TFR2: variants seen among roughly 807,000 people sequenced by gnomAD.
TFR2 encodes transferrin receptor protein 2.
In TFR2, 64 loss-of-function variants were observed where a neutral mutation model predicts 91.9. The observed-to-expected ratio is 0.70, with a 90% CI of 0.57 to 0.86. The LOEUF is 0.86. Among genes scored for constraint, TFR2 ranks in the 40% least tolerant of loss-of-function variants. The probability of loss-of-function intolerance (pLI) is 0.00; values close to 1 mark genes in which losing one functional copy is unlikely to be tolerated. For missense variants in TFR2, 950 were observed against 1,080.5 expected (o/e 0.88, Z 1.69); for synonymous variants, 454 against 459.6 (o/e 0.99, Z 0.15).
At chr7:100,621,219 T>G (rs1361933122) in intron 17 of TFR2, 93 bp from the exon 18 acceptor site, 1 of 1,375,742 alleles carries the variant, frequency 7.3e-7, no homozygotes, top group Non-Finnish European at 9.6e-7. Flanking sequence ...CTTTTTGTTT[T>G]TTTGTTTGTT....
intron 8 of TFR2, 158 bp downstream of exon 8, chr7:100,631,648 C>A: frequency 1.0e-6 from 1 of 969,804 alleles, no homozygotes; most frequent in Non-Finnish European, 1.5e-6. Context: ...GTCAGGGTCT[C>A]TCTGTCTCCC....
chr7:100,630,979 C>T lies in TFR2; in HGVS notation c.1180G>A (p.Gly394Arg), dbSNP rs557506122. 51 of 1,611,404 alleles carry T rather than the reference C, an allele frequency of 3.2e-5. No individual in the cohort carries two copies. The East Asian group carries it at 5.8e-4, about 18-fold the overall frequency. ...LLGSPYHLGP[G>R]PRLRLVVNNH... ...TTGACCACTAGCCGCAGTCGTGGCC[C>T]GGGGCCCAGGTGATAAGGGGAGCCT... The change falls in exon 9 of 18, where the codon GGG becomes AGG. Residue 394 changes from glycine (G) to arginine (R), a missense_variant. Transcript: ENST00000223051.
At chr7:100,640,274 G>A (rs1459228278) in intron 3 of TFR2, 1 of 176,710 alleles carries the variant, frequency 5.7e-6, no homozygotes, top group Non-Finnish European at 1.2e-5. Flanking sequence ...GTAGAGACGG[G>A]GTTTCATCGT....
chr7:100,632,008 T>C (rs1167242858), intron 7 of TFR2, 63 bp from the exon 8 acceptor site: 3 of 1,614,050 alleles, frequency 1.9e-6, no homozygotes, highest in Non-Finnish European at 2.5e-6. Flanking sequence ...ACGAAAAACA[T>C]GCCAGCCCTA....
At chr7:100,641,342 C>T (rs1177163203) in intron 1 of TFR2, 114 bp from the exon 2 acceptor site, 140 of 194,658 alleles carry the variant, frequency 7.2e-4, no homozygotes, top group African/African-American at 1.8e-3. Context: ...GTGGTGGGGG[C>T]GTGGGGGAGG....
At position 100,622,138 on chromosome 7, in the gene TFR2, G is replaced by A. The variant is rs553843522; in HGVS notation, c.2137-1012C>T. Among the ~76,000 whole-genome samples the A allele has an allele frequency of 6.6e-5, 10 of 152,210 alleles. No homozygotes were observed. In the South Asian group the frequency reaches 1.2e-3, roughly 19 times the overall value. Reference sequence around the variant, plus strand: ...ACCCCAGAGGTCAAGTGATCTTCCCGCCTTAGCCTCCTGAGTAGTTGGGAG... The same window carrying A: ...ACCCCAGAGGTCAAGTGATCTTCCCACCTTAGCCTCCTGAGTAGTTGGGAG... On this transcript the variant is annotated intron_variant, in intron 17 of 17. Transcript: ENST00000223051.
intron 9 of TFR2, 137 bp from the exon 10 acceptor site, chr7:100,629,509 G>A (rs1803367985): frequency 1.3e-6 from 2 of 1,533,674 alleles, no homozygotes; most frequent in Admixed American, 3.6e-5. Context: ...CCTAAAGAGG[G>A]CGCCCCTCCC....
Position 100,641,239 on chromosome 7 carries a change from G to A in TFR2, c.34-11C>T, listed in dbSNP as rs749286028. 1.5e-5 allele frequency: 23 copies of A among 1,537,878 alleles called. No individual in the cohort carries two copies. The Admixed American group carries it at 1.6e-4, about 11-fold the overall frequency. Reference sequence around the variant, plus strand: ...TGGGGACAGTTGTTGCTGTGCAGGCGAGGTGGGCATGAGATTGGGGCAAGA... The same window carrying A: ...TGGGGACAGTTGTTGCTGTGCAGGCAAGGTGGGCATGAGATTGGGGCAAGA... On this transcript the variant is annotated splice_polypyrimidine_tract_variant and intron_variant, in intron 1 of 17. Coordinates refer to ENST00000223051, the MANE Select transcript of TFR2 (RefSeq NM_003227.4).
intron 16 of TFR2, 46 bp downstream of exon 16, chr7:100,627,218 G>A: frequency 6.5e-7 from 1 of 1,538,568 alleles, no homozygotes; most frequent in Non-Finnish European, 8.8e-7. Flanking sequence ...GGCCTGGGCA[G>A]TGCCTCCCAC....
chr7:100,620,790 G>T lies in TFR2; in HGVS notation c.*67C>A. ...GACTCTGAGCCACCTCCCTGACCCT[G>T]AATCATTCAAGCGAGGAGCAGAGGA... On this transcript the variant is annotated 3_prime_UTR_variant, in exon 18 of 18. Transcript: ENST00000223051. 1.2e-6 allele frequency: 2 copies of T among 1,603,902 alleles called. No homozygotes were observed. Among genetic ancestry groups the T allele is most frequent in the South Asian group, 2.2e-5 (2 of 90,006 alleles).
At chr7:100,625,192 T>C (rs1011891479) in intron 17 of TFR2, among the ~76,000 whole-genome samples, 3 of 151,706 alleles carry the variant, frequency 2.0e-5, no homozygotes, top group Non-Finnish European at 4.4e-5. Flanking sequence ...CCTGAGTAGC[T>C]GGGATTACAG....
At chr7:100,637,688 C>T (rs1225013034) in intron 3 of TFR2, among the ~76,000 whole-genome samples, 1 of 152,108 alleles carries the variant, frequency 6.6e-6, no homozygotes, top group Non-Finnish European at 1.5e-5. Flanking sequence ...TGGCCCCTCC[C>T]TGTAGACCCA....
intron 3 of TFR2, chr7:100,633,797 CT>C: frequency 1.7e-6 from 1 of 597,372 alleles, no homozygotes; most frequent in East Asian, 3.5e-5. Context: ...CAACTTCCGC[CT>C]TCCTGGTTCA....
chr7:100,628,602 A>T (rs1257573854), intron 10 of TFR2, among the ~76,000 whole-genome samples: 1 of 151,694 alleles, frequency 6.6e-6, no homozygotes, highest in Non-Finnish European at 1.5e-5. Flanking sequence ...CAGTCTCCCT[A>T]TGTTGCCCAG....
intron 9 of TFR2, among the ~76,000 whole-genome samples, chr7:100,630,254 CTTTT>C (rs1284695019): frequency 2.7e-4 from 40 of 150,562 alleles, no homozygotes; most frequent in Non-Finnish European, 1.0e-4. Context: ...CTCTTTCTTT[CTTTT>C]TTTCTTTCTC....
intron 3 of TFR2, among the ~76,000 whole-genome samples, chr7:100,638,154 C>T (rs1173464912): frequency 6.6e-6 from 1 of 152,056 alleles, no homozygotes; most frequent in African/African-American, 2.4e-5. Flanking sequence ...TAGGTGCCCG[C>T]CACCACGCCC....
In TFR2 at chr7:100,621,825, T is replaced by C. The variant is rs1451047755; in HGVS notation, c.2137-699A>G. Among the ~76,000 whole-genome samples the C allele has an allele frequency of 2.0e-5, 3 of 152,154 alleles. No individual in the cohort carries two copies. The East Asian group carries it at 5.8e-4, about 29-fold the overall frequency. ...CTGTTCCGTCTTTCCTGAGACGGCC[T>C]TGCTCCTGACCTAATCTCCTCCCTC... On this transcript the variant is annotated intron_variant, in intron 17 of 17. Coordinates refer to ENST00000223051, the MANE Select transcript of TFR2 (RefSeq NM_003227.4).
intron 4 of TFR2, 24 bp downstream of exon 4, chr7:100,633,392 C>T (rs1038501546): frequency 1.9e-6 from 3 of 1,605,536 alleles, no homozygotes; most frequent in East Asian, 2.2e-5. Flanking sequence ...TCCCCGCGCG[C>T]CCCCCGCCCG....
At position 100,620,742 on chromosome 7, in the gene TFR2, A is replaced by AAATT; in HGVS notation, c.*111_*114dup. ...TGGAGAGATGTGTAGGGGTAATGAG[A>AAATT]AATTGATCAGCAATGAGAGGTGGAC... On this transcript the variant is annotated 3_prime_UTR_variant, in exon 18 of 18. Transcript: ENST00000223051. The AAATT allele has an allele frequency of 6.9e-7, 1 of 1,454,188 alleles. No homozygotes were observed. The highest frequency in any genetic ancestry group is 9.5e-7 in the Non-Finnish European group (1 of 1,052,696). The allele number at this position is 1,454,188 out of a possible 1,614,324, so 90.1% of individuals were successfully genotyped here.
Sources: allele counts gnomAD v4.1 joint callset (sites outside exome capture counted in the v4.1 genomes callset), GRCh38; gene constraint gnomAD v4.1.1; transcripts MANE v1.5; gene names NCBI Gene and HGNC (gene_info 2026-07-23, HGNC 2026-07-21).